Variants in TTC8 observed in about 807,000 individuals in gnomAD.
The protein encoded by TTC8 is tetratricopeptide repeat protein 8.
Under a neutral mutation model 72.5 loss-of-function variants are expected in TTC8, and 47 were observed. The observed-to-expected ratio is 0.65, with a 90% CI of 0.51 to 0.83. The LOEUF (loss-of-function observed/expected upper bound fraction) is 0.83. Ranked by LOEUF, TTC8 falls within the 40% of genes least tolerant of loss-of-function variation. TTC8 has a pLI of 0.00. For synonymous variants in TTC8, 199 were observed against 221.4 expected (o/e 0.90, Z 0.90); for missense variants, 611 against 623.2 (o/e 0.98, Z 0.21).
chr14:88,852,622 A>G (rs1018289584), intron 7 of TTC8, among the ~76,000 whole-genome samples: 12 of 152,138 alleles, frequency 7.9e-5, no homozygotes, highest in African/African-American at 2.9e-4. Context: ...CGGAGTTTGG[A>G]GGCATTTTGA....
At chr14:88,836,343 A>C (rs1177367590) in intron 2 of TTC8, among the ~76,000 whole-genome samples, 2 of 152,008 alleles carry the variant, frequency 1.3e-5, no homozygotes, top group Non-Finnish European at 2.9e-5. Flanking sequence ...AACAAACAAA[A>C]AAAGCTGGGT....
chr14:88,828,083 C>T (rs2094709899), intron 1 of TTC8, among the ~76,000 whole-genome samples: 1 of 152,148 alleles, frequency 6.6e-6, no homozygotes, highest in Non-Finnish European at 1.5e-5. Flanking sequence ...TTCCCCTGCC[C>T]CATCCTTAAT....
intron 2 of TTC8, 142 bp from the exon 3 acceptor site, chr14:88,839,310 C>T: frequency 1.2e-6 from 1 of 818,530 alleles, no homozygotes; most frequent in Non-Finnish European, 1.8e-6. Context: ...TGACATGGCC[C>T]TTTAAATTAA....
rs140163629 is a variant in TTC8 at position 88,871,562 on chromosome 14, A to T, written c.1063A>T (p.Met355Leu). 49 of 1,614,004 alleles carry T rather than the reference A, an allele frequency of 3.0e-5. No homozygotes were observed. In the African/African-American group the frequency reaches 4.5e-4, roughly 15 times the overall value. ...TTTTTTGAAAAGGCGGCTGCTGCAG[A>T]TGGGCATTTATAACGGCCAGCTTTT... ...ALRFYRRLLQMGIYNGQLFNN... is the reference protein window; with the variant it reads ...ALRFYRRLLQLGIYNGQLFNN... Residue 355 changes from methionine (M) to leucine (L), a missense_variant, in exon 12 of 15, where the codon ATG becomes TTG. By Grantham distance (15) the Met-to-Leu change is conservative. Coordinates refer to ENST00000380656, the MANE Select transcript of TTC8 (RefSeq NM_144596.4). The surrounding 1 kb of genome is among the most constrained non-coding windows in gnomAD (Gnocchi z 4.1).
chr14:88,827,954 G>A (rs1176379431), intron 1 of TTC8, among the ~76,000 whole-genome samples: 1 of 152,094 alleles, frequency 6.6e-6, no homozygotes, highest in Non-Finnish European at 1.5e-5. Context: ...AGGGGCTTTT[G>A]ATATGTATTT....
At chr14:88,857,041 A>G (rs1250634222) in intron 8 of TTC8, 149 bp from the exon 9 acceptor site, 7 of 739,150 alleles carry the variant, frequency 9.5e-6, no homozygotes, top group Non-Finnish European at 1.7e-5. Context: ...GCTAAGCTGT[A>G]TAAATAAACA....
In TTC8 at chr14:88,841,458, A is replaced by G. The variant is rs781085043; in HGVS notation, c.523A>G (p.Ile175Val). ...SMLTSPDGPF[I>V]NLSRLNLTKY... ...GCTTACAAGTCCTGATGGACCATTT[A>G]TAAATTTATCTAGGCTGAATTTAAC... The change falls in exon 6 of 15, where the codon ATA becomes GTA. Residue 175 changes from isoleucine to valine, a missense_variant. Physicochemically the swap from Ile to Val is conservative, Grantham distance 29. Transcript: ENST00000380656. 1.2e-6 allele frequency: 2 copies of G among 1,613,754 alleles called. No individual in the cohort carries two copies. The highest frequency in any genetic ancestry group is 1.7e-5 in the Admixed American group (1 of 59,986).
intron 2 of TTC8, among the ~76,000 whole-genome samples, chr14:88,834,997 A>G (rs2094743907): frequency 6.6e-6 from 1 of 152,210 alleles, no homozygotes; most frequent in African/African-American, 2.4e-5. Context: ...TGGCCTTACT[A>G]TTTCCACTTT....
chr14:88,872,929 T>C (rs2094941375), intron 13 of TTC8, among the ~76,000 whole-genome samples: 1 of 152,200 alleles, frequency 6.6e-6, no homozygotes, highest in Admixed American at 6.5e-5. Flanking sequence ...TCTCATCTCT[T>C]GCATGGACTA....
At chr14:88,857,959 C>A (rs1429599929) in intron 9 of TTC8, among the ~76,000 whole-genome samples, 1 of 151,072 alleles carries the variant, frequency 6.6e-6, no homozygotes, top group East Asian at 2.0e-4. Flanking sequence ...GATTTTCTTT[C>A]TTTCATTTTT....
At chr14:88,873,688 G>A (rs1022923532) in intron 13 of TTC8, among the ~76,000 whole-genome samples, 1 of 152,172 alleles carries the variant, frequency 6.6e-6, no homozygotes, top group Non-Finnish European at 1.5e-5. Context: ...ATAGTATGGA[G>A]CACATGGTAG....
At chr14:88,859,883 T>TCA (rs1566850295) in intron 9 of TTC8, among the ~76,000 whole-genome samples, 1 of 119,274 alleles carries the variant, frequency 8.4e-6, no homozygotes. Flanking sequence ...ATATTATATA[T>TCA]TATATAATAT....
At chr14:88,860,776 T>C (rs2094881967) in intron 9 of TTC8, among the ~76,000 whole-genome samples, 1 of 152,018 alleles carries the variant, frequency 6.6e-6, no homozygotes, top group South Asian at 2.1e-4. Flanking sequence ...TGAAAATTAA[T>C]CCTGCACATT....
intron 9 of TTC8, among the ~76,000 whole-genome samples, chr14:88,859,499 A>G (rs1297593274): frequency 6.6e-6 from 1 of 152,136 alleles, no homozygotes; most frequent in East Asian, 1.9e-4. Flanking sequence ...GGAGCAGCAG[A>G]CACTGGGGCC....
In TTC8 at chr14:88,840,930, T is replaced by C. The variant is rs770087818; in HGVS notation, c.329+2T>C. 1 of 1,614,116 alleles carries C rather than the reference T, an allele frequency of 6.2e-7. No individual in the cohort carries two copies. Among genetic ancestry groups the C allele is most frequent in the Non-Finnish European group, 8.5e-7 (1 of 1,179,996 alleles). On this transcript the variant is annotated splice_donor_variant, in intron 4 of 14. Transcript: ENST00000380656. LOFTEE classifies it high-confidence loss of function. ...AGGAGGGCCTAGCCAGGCCGTTAGGTATGTACTTCTGCTTCATAACCTCTG... is the reference window on the plus strand; with the variant it reads ...AGGAGGGCCTAGCCAGGCCGTTAGGCATGTACTTCTGCTTCATAACCTCTG...
chr14:88,861,240 C>A lies in TTC8; in HGVS notation c.817C>A (p.Gln273Lys). The A allele has an allele frequency of 6.2e-7, 1 of 1,611,968 alleles. No individual in the cohort carries two copies. The highest frequency in any genetic ancestry group is 1.1e-5 in the South Asian group (1 of 90,852). Reference sequence around the variant, plus strand: ...TTTTTAGGTTTATGTCTCATTGGATCAACCTGTGACTGCTTTAAATCTTTT... The same window carrying A: ...TTTTTAGGTTTATGTCTCATTGGATAAACCTGTGACTGCTTTAAATCTTTT... Reference protein sequence around the residue: ...YLAKVYVSLDQPVTALNLFKQ... With the variant: ...YLAKVYVSLDKPVTALNLFKQ... Residue 273 changes from glutamine (Q) to lysine (K), a missense_variant, in exon 10 of 15, where the codon CAA becomes AAA. Transcript: ENST00000380656.
At chr14:88,831,571 C>G (rs1213283110) in intron 1 of TTC8, among the ~76,000 whole-genome samples, 1 of 152,170 alleles carries the variant, frequency 6.6e-6, no homozygotes, top group East Asian at 1.9e-4. Flanking sequence ...ACATCTTGCT[C>G]TGAGTGTTCT....
rs770386094 is a variant in TTC8 at position 88,841,416 on chromosome 14, C to T, written c.490-9C>T. 6.2e-7 allele frequency: 1 copy of T among 1,613,200 alleles called. No individual in the cohort carries two copies. Among genetic ancestry groups the T allele is most frequent in the Admixed American group, 1.7e-5 (1 of 59,970 alleles). On this transcript the variant is annotated splice_polypyrimidine_tract_variant and intron_variant, in intron 5 of 14. Coordinates refer to ENST00000380656, the MANE Select transcript of TTC8 (RefSeq NM_144596.4). Reference sequence around the variant, plus strand: ...TCAGATCTCTTGGTCTATTGTTTTTCCTCTGTAGGCTTCCATGCTTACAAG... The same window carrying T: ...TCAGATCTCTTGGTCTATTGTTTTTTCTCTGTAGGCTTCCATGCTTACAAG...
chr14:88,846,578 A>G (rs1167820199), intron 7 of TTC8: 2 of 1,315,690 alleles, frequency 1.5e-6, no homozygotes, highest in Admixed American at 2.1e-5. Flanking sequence ...GGTCATGGTG[A>G]CAATGTTTTT....
Sources: gnomAD v4.1 joint callset for allele counts (sites outside exome capture counted in the v4.1 genomes callset) on GRCh38, gnomAD v4.1.1 for gene constraint, Gnocchi (gnomAD v3.1) non-coding constraint, MANE v1.5 for transcripts, NCBI Gene and HGNC (gene_info 2026-07-23, HGNC 2026-07-21) for gene names.